The following METTL15 variants were observed in gnomAD, a reference collection of about 807,000 sequenced individuals.
METTL15 encodes the protein methyltransferase 15, mitochondrial 12S rRNA N4-cytidine, also known as 12S rRNA N(4)-cytidine methyltransferase METTL15.
In METTL15, 34 loss-of-function variants were observed where a neutral mutation model predicts 38.3. The observed-to-expected ratio is 0.89, with a 90% CI of 0.68 to 1.18. METTL15 has a LOEUF of 1.18. METTL15 is among the 50% of genes most tolerant of loss of function. METTL15 has a pLI of 0.00. For missense variants in METTL15, 438 were observed against 498.4 expected (o/e 0.88, Z 1.15); for synonymous variants, 162 against 170.9 (o/e 0.95, Z 0.41).
intron 6 of METTL15, among the ~76,000 whole-genome samples, chr11:28,309,012 A>G (rs142813328): frequency 7.9e-5 from 12 of 152,300 alleles, no homozygotes; most frequent in African/African-American, 2.2e-4. Context: ...AGGTAGATCA[A>G]TAGATACATA....
At chr11:28,325,514 C>G (rs1480856240) in intron 6 of METTL15, among the ~76,000 whole-genome samples, 2 of 152,188 alleles carry the variant, frequency 1.3e-5, no homozygotes, top group African/African-American at 4.8e-5. Context: ...TGAAACTGTA[C>G]TAATGATCCT....
At chr11:28,394,185 G>A (rs185531115) in intron 5 of METTL15, among the ~76,000 whole-genome samples, 38 of 152,118 alleles carry the variant, frequency 2.5e-4, no homozygotes, top group Non-Finnish European at 5.4e-4. Context: ...AGTAAGGGAA[G>A]GAAGGAACAA....
chr11:28,202,432 C>A (rs1177424084), intron 3 of METTL15, among the ~76,000 whole-genome samples: 1 of 151,922 alleles, frequency 6.6e-6, no homozygotes, highest in Non-Finnish European at 1.5e-5. Flanking sequence ...GTATATCTTT[C>A]TTACATTGCT....
intron 4 of METTL15, among the ~76,000 whole-genome samples, chr11:28,269,694 A>G (rs914291466): frequency 6.6e-6 from 1 of 152,218 alleles, no homozygotes; most frequent in Non-Finnish European, 1.5e-5. Context: ...GGGCAATACC[A>G]TTTTGTACAC....
chr11:28,114,868 T>G (rs982534783), intron 3 of METTL15, among the ~76,000 whole-genome samples: 19 of 152,196 alleles, frequency 1.2e-4, no homozygotes, highest in Non-Finnish European at 2.2e-4. Context: ...TCAGAGTTGA[T>G]TGGTTTTGTC....
At chr11:28,385,090 G>A (rs1850426773) in intron 5 of METTL15, among the ~76,000 whole-genome samples, 1 of 152,122 alleles carries the variant, frequency 6.6e-6, no homozygotes, top group Non-Finnish European at 1.5e-5. Context: ...CCATTATGTA[G>A]GTTGTCTGTT....
intron 4 of METTL15, among the ~76,000 whole-genome samples, chr11:28,281,042 G>A (rs892341721): frequency 2.3e-4 from 35 of 151,844 alleles, no homozygotes; most frequent in Non-Finnish European, 3.4e-4. Context: ...TGTCTGTCTA[G>A]TAATTTTTAT....
chr11:28,438,862 C>T (rs184550038), intron 6 of METTL15, among the ~76,000 whole-genome samples: 117 of 151,180 alleles, frequency 7.7e-4, no homozygotes, highest in Non-Finnish European at 1.3e-3. Flanking sequence ...TTAGTAGAGA[C>T]GGGGGGGTTT....
intron 6 of METTL15, among the ~76,000 whole-genome samples, chr11:28,310,946 GGTGGTGGTGGTGGTGGTGGGTGTGT>G (rs1857265434): frequency 6.9e-6 from 1 of 144,346 alleles, no homozygotes; most frequent in African/African-American, 2.7e-5. Flanking sequence ...TGGTGGTGGT[GGTGGTGGTGGTGGTGGTGGGTGTGT>G]GTGTGTGTGT....
chr11:28,181,991 C>A (rs1851307546), intron 3 of METTL15, among the ~76,000 whole-genome samples: 1 of 152,156 alleles, frequency 6.6e-6, no homozygotes, highest in Non-Finnish European at 1.5e-5. Flanking sequence ...TTTTGATTTG[C>A]ATTACTCTAA....
chr11:28,341,308 A>G (rs1261989990), intron 3 of METTL15, among the ~76,000 whole-genome samples: 2 of 152,186 alleles, frequency 1.3e-5, no homozygotes, highest in Non-Finnish European at 2.9e-5. Flanking sequence ...CAAAACTTAA[A>G]GTATAATTAA....
intron 4 of METTL15, among the ~76,000 whole-genome samples, chr11:28,289,018 G>A (rs7938177): frequency 1 from 151,663 of 152,232 alleles, 75,554 homozygotes; most frequent in Non-Finnish European, 1. Flanking sequence ...AAAAATTCAA[G>A]TATCAGTTAT....
At chr11:28,462,827 G>A (rs1203497912) in intron 6 of METTL15, among the ~76,000 whole-genome samples, 1 of 152,068 alleles carries the variant, frequency 6.6e-6, no homozygotes, top group African/African-American at 2.4e-5. Flanking sequence ...AAATAGTTAG[G>A]AAAAGTTATT....
At chr11:28,403,938 C>A (rs1161101469) in intron 5 of METTL15, among the ~76,000 whole-genome samples, 2 of 151,860 alleles carry the variant, frequency 1.3e-5, no homozygotes, top group Non-Finnish European at 2.9e-5. Context: ...TTTCTGTATC[C>A]TGTGATTTCT....
intron 6 of METTL15, among the ~76,000 whole-genome samples, chr11:28,314,421 T>C (rs1857409851): frequency 6.6e-6 from 1 of 152,186 alleles, no homozygotes; most frequent in Non-Finnish European, 1.5e-5. Context: ...ATCTTCCAAC[T>C]CTGGGAAGTG....
At chr11:28,457,610 G>C (rs1022916028) in intron 6 of METTL15, among the ~76,000 whole-genome samples, 2 of 152,124 alleles carry the variant, frequency 1.3e-5, no homozygotes, top group African/African-American at 2.4e-5. Context: ...TAAGGGCTCT[G>C]ATTCCCCCAC....
intron 5 of METTL15, among the ~76,000 whole-genome samples, chr11:28,382,339 C>T (rs1414200277): frequency 6.6e-6 from 1 of 152,152 alleles, no homozygotes; most frequent in Non-Finnish European, 1.5e-5. Context: ...CTCTGGCTGT[C>T]CTCAGGGATA....
chr11:28,374,001 C>G (rs1262019024), intron 5 of METTL15, among the ~76,000 whole-genome samples: 1 of 152,100 alleles, frequency 6.6e-6, no homozygotes, highest in African/African-American at 2.4e-5. Context: ...TTTCTGAGGG[C>G]TCTGTTCTGT....
At chr11:28,409,440 T>C (rs1490593015) in intron 5 of METTL15, among the ~76,000 whole-genome samples, 31 of 149,750 alleles carry the variant, frequency 2.1e-4, no homozygotes, top group African/African-American at 7.4e-4. Context: ...TGGTTTCTGA[T>C]TACAATGTTA....
Sources: gnomAD v4.1 joint callset for allele counts (sites outside exome capture counted in the v4.1 genomes callset) on GRCh38, gnomAD v4.1.1 for gene constraint, MANE v1.5 for transcripts, NCBI Gene and HGNC (gene_info 2026-07-23, HGNC 2026-07-21) for gene names.